CNOT10: variants seen among roughly 807,000 people sequenced by gnomAD.
The protein encoded by CNOT10 is CCR4-NOT transcription complex subunit 10, also known as CCR4-NOT transcription complex, subunit 10.
CNOT10 carries 30 observed loss-of-function variants against 94.6 expected under a neutral mutation model. The observed-to-expected ratio is 0.32, with a 90% CI of 0.24 to 0.43. The LOEUF (loss-of-function observed/expected upper bound fraction) is 0.43. CNOT10 is among the 20% of genes least tolerant of loss of function. The pLI, the probability that CNOT10 is intolerant of heterozygous loss-of-function variation, is 1.00. For synonymous variants in CNOT10, 289 were observed against 301.6 expected (o/e 0.96, Z 0.43); for missense variants, 759 against 877.2 (o/e 0.87, Z 1.70).
At chr3:32,773,180 A>G (rs1388119892) in intron 18 of CNOT10, among the ~76,000 whole-genome samples, 1 of 152,058 alleles carries the variant, frequency 6.6e-6, no homozygotes, top group Admixed American at 6.6e-5. Flanking sequence ...TGTTTCTTTT[A>G]TACAGCCCAC....
chr3:32,740,723 G>A (rs185758492), intron 13 of CNOT10, among the ~76,000 whole-genome samples: 12 of 152,176 alleles, frequency 7.9e-5, no homozygotes, highest in Non-Finnish European at 7.4e-5. Flanking sequence ...TTAGCCGGGC[G>A]TGGTGGCGGG....
chr3:32,717,484 C>T (rs1241282454), intron 7 of CNOT10, among the ~76,000 whole-genome samples: 1 of 151,740 alleles, frequency 6.6e-6, no homozygotes, highest in Non-Finnish European at 1.5e-5. Flanking sequence ...AAATAACTGC[C>T]TATTTTTCTG....
At chr3:32,686,049 C>G (rs1026833637) in intron 1 of CNOT10, among the ~76,000 whole-genome samples, 7 of 152,116 alleles carry the variant, frequency 4.6e-5, no homozygotes, top group African/African-American at 1.7e-4. Context: ...AAGTAAACCA[C>G]TTATTTAAAA....
At chr3:32,750,488 T>C (rs1352901046) in intron 13 of CNOT10, among the ~76,000 whole-genome samples, 2 of 150,762 alleles carry the variant, frequency 1.3e-5, no homozygotes, top group African/African-American at 2.4e-5. Context: ...CAAGACTCCA[T>C]CTCAAAAACA....
In CNOT10 at chr3:32,717,470, T is replaced by C. The variant is rs147900180; in HGVS notation, c.744+233T>C. ...TTTTATGTAACCTTCAAAACCACCA[T>C]TTTAAATAACTGCCTATTTTTCTGT... On this transcript the variant is annotated intron_variant, in intron 7 of 18. Transcript: ENST00000328834. 2.7e-3 allele frequency among the ~76,000 whole-genome samples: 412 copies of C among 152,272 alleles called. 2 individuals are homozygous for C. Among genetic ancestry groups the C allele is most frequent in the African/African-American group, 9.2e-3 (384 of 41,552 alleles).
intron 10 of CNOT10, among the ~76,000 whole-genome samples, chr3:32,732,552 C>G (rs1429737715): frequency 2.6e-5 from 4 of 151,642 alleles, no homozygotes; most frequent in African/African-American, 9.7e-5. Flanking sequence ...TGCCACTGTA[C>G]TCCATCCTGG....
At chr3:32,740,239 T>C (rs1489770858) in intron 13 of CNOT10, among the ~76,000 whole-genome samples, 1 of 151,602 alleles carries the variant, frequency 6.6e-6, no homozygotes, top group Non-Finnish European at 1.5e-5. Flanking sequence ...GGTGGGCGGA[T>C]CACGAGGTCA....
intron 3 of CNOT10, among the ~76,000 whole-genome samples, chr3:32,707,411 G>A (rs1697672646): frequency 1.3e-5 from 2 of 151,978 alleles, no homozygotes; most frequent in Admixed American, 1.3e-4. Context: ...TTTTTTACGG[G>A]AACGAAACCT....
intron 8 of CNOT10, among the ~76,000 whole-genome samples, chr3:32,721,822 ATT>A (rs1296445368): frequency 1.4e-5 from 2 of 140,686 alleles, no homozygotes; most frequent in Admixed American, 7.1e-5. Context: ...AATTTTTTGT[ATT>A]TTTTTTTTTA....
At chr3:32,696,981 C>T (rs1168817393) in intron 1 of CNOT10, among the ~76,000 whole-genome samples, 4 of 150,722 alleles carry the variant, frequency 2.7e-5, no homozygotes, top group African/African-American at 2.4e-5. Flanking sequence ...GATGGAGTCT[C>T]GCTCTGTCAC....
chr3:32,691,522 G>C (rs1696848910), intron 1 of CNOT10, among the ~76,000 whole-genome samples: 1 of 151,988 alleles, frequency 6.6e-6, no homozygotes, highest in African/African-American at 2.4e-5. Context: ...GGCCCGGCTG[G>C]TCTTGAACTC....
At chr3:32,724,121 A>G (rs1698542793) in intron 8 of CNOT10, among the ~76,000 whole-genome samples, 1 of 152,110 alleles carries the variant, frequency 6.6e-6, no homozygotes, top group South Asian at 2.1e-4. Context: ...ACAAGAGGCA[A>G]CACAGGCTGA....
At position 32,711,450 on chromosome 3, in the gene CNOT10, CTTT is replaced by C. The variant is rs895807977; in HGVS notation, c.431-1769_431-1767del. ...TACATATTCAGTGCAGATGCAACAA[CTTT>C]TTTTTTTCTTCTAACATTTTCAATC... is the stretch of plus-strand genomic sequence containing the variant. On this transcript the variant is annotated intron_variant, in intron 4 of 18. Coordinates refer to ENST00000328834, the MANE Select transcript of CNOT10 (RefSeq NM_015442.3). Among the ~76,000 whole-genome samples the C allele has an allele frequency of 3.3e-5, 5 of 150,272 alleles. No individual in the cohort carries two copies. In the East Asian group the frequency reaches 9.7e-4, roughly 29 times the overall value.
At chr3:32,748,593 A>T (rs1399703570) in intron 13 of CNOT10, among the ~76,000 whole-genome samples, 1 of 150,718 alleles carries the variant, frequency 6.6e-6, no homozygotes, top group African/African-American at 2.4e-5. Context: ...GCTCACTGCA[A>T]CCCCTGCCTT....
intron 13 of CNOT10, among the ~76,000 whole-genome samples, chr3:32,742,367 T>C (rs931331652): frequency 6.6e-6 from 1 of 151,882 alleles, no homozygotes; most frequent in South Asian, 2.1e-4. Context: ...GCTTTTTGTT[T>C]TGTTTTGGTG....
At chr3:32,751,716 T>C (rs574431206) in intron 13 of CNOT10, among the ~76,000 whole-genome samples, 10 of 152,340 alleles carry the variant, frequency 6.6e-5, no homozygotes, top group Non-Finnish European at 1.3e-4. Flanking sequence ...CCAGTGGTGA[T>C]ATTGTAGCCC....
chr3:32,687,111 A>T (rs982387788), intron 1 of CNOT10, among the ~76,000 whole-genome samples: 1 of 152,166 alleles, frequency 6.6e-6, no homozygotes, highest in Non-Finnish European at 1.5e-5. Flanking sequence ...ATAAGGTTAA[A>T]TTTGAATAAA....
At position 32,757,170 on chromosome 3, in the gene CNOT10, A is replaced by ATTTTTTTTTTTTT. The variant is rs1173513009; in HGVS notation, c.1596-2274_1596-2262dup. Among the ~76,000 whole-genome samples, 17 of 78,298 alleles carry ATTTTTTTTTTTTT rather than the reference A, an allele frequency of 2.2e-4. 3 individuals are homozygous for ATTTTTTTTTTTTT. The highest frequency in any genetic ancestry group is 8.3e-4 in the African/African-American group (15 of 18,026). The allele number at this position is 78,298 out of a possible 152,430, so 51.4% of individuals were successfully genotyped here. ...TGTCATTCACATAGGCCCTGAACTA[A>ATTTTTTTTTTTTT]TTTTTTTTTTTTTTTTTTTTTTTTT... On this transcript the variant is annotated intron_variant, in intron 13 of 18. Coordinates refer to ENST00000328834, the MANE Select transcript of CNOT10 (RefSeq NM_015442.3).
chr3:32,742,024 C>T (rs1193058455), intron 13 of CNOT10, among the ~76,000 whole-genome samples: 3 of 151,456 alleles, frequency 2.0e-5, no homozygotes, highest in African/African-American at 7.3e-5. Flanking sequence ...GGCATGACCT[C>T]GGCTCACTGC....
Sources: gnomAD v4.1 joint callset for allele counts (sites outside exome capture counted in the v4.1 genomes callset) on GRCh38, gnomAD v4.1.1 for gene constraint, MANE v1.5 for transcripts, NCBI Gene and HGNC (gene_info 2026-07-23, HGNC 2026-07-21) for gene names.